RBMS3: variants seen among roughly 807,000 people sequenced by gnomAD.
RBMS3 encodes RNA-binding motif, single-stranded-interacting protein 3.
In RBMS3, 27 loss-of-function variants were observed where a neutral mutation model predicts 66.8. That is an observed-to-expected ratio of 0.40 (90% CI 0.30 to 0.56). RBMS3 has a LOEUF of 0.56. Among genes scored for constraint, RBMS3 ranks in the 20% least tolerant of loss-of-function variants. The probability of loss-of-function intolerance (pLI) is 0.40; values close to 1 mark genes in which losing one functional copy is unlikely to be tolerated. For missense variants in RBMS3, 513 were observed against 549.5 expected, an observed-to-expected ratio of 0.93 and a Z score of 0.66; for synonymous variants, 188 against 183.0, an observed-to-expected ratio of 1.03 and a Z score of -0.22.
chr3:29,814,013 T>C (rs377661273), intron 6 of RBMS3, among the ~76,000 whole-genome samples: 5 of 151,872 alleles, frequency 3.3e-5, no homozygotes, highest in South Asian at 2.1e-4. Flanking sequence ...ACTTCCAACA[T>C]TATGTTGAAT....
At chr3:29,352,789 T>A (rs1023807701) in intron 1 of RBMS3, among the ~76,000 whole-genome samples, 2 of 151,990 alleles carry the variant, frequency 1.3e-5, no homozygotes, top group Non-Finnish European at 2.9e-5. Flanking sequence ...CTACTCTCAC[T>A]CTTTATGAGA....
chr3:29,494,712 A>G (rs2043674128), intron 3 of RBMS3, among the ~76,000 whole-genome samples: 1 of 152,202 alleles, frequency 6.6e-6, no homozygotes, highest in African/African-American at 2.4e-5. Flanking sequence ...AGCTATTGGA[A>G]ACAAGGTGTA....
intron 4 of RBMS3, among the ~76,000 whole-genome samples, chr3:29,657,112 C>A (rs1453645469): frequency 6.6e-6 from 1 of 152,190 alleles, no homozygotes; most frequent in Non-Finnish European, 1.5e-5. Flanking sequence ...TTTCCACACA[C>A]AGGAGGCTGG....
chr3:29,567,607 A>G (rs2046791421), intron 3 of RBMS3, among the ~76,000 whole-genome samples: 1 of 152,142 alleles, frequency 6.6e-6, no homozygotes, highest in Non-Finnish European at 1.5e-5. Context: ...ATGCCCCATT[A>G]TGAGTGAAGG....
At chr3:29,667,321 A>G (rs1245078420) in intron 4 of RBMS3, among the ~76,000 whole-genome samples, 2 of 152,130 alleles carry the variant, frequency 1.3e-5, no homozygotes, top group African/African-American at 4.8e-5. Context: ...GGCATTCTCT[A>G]ATCTAATCTA....
At chr3:29,916,779 G>A (rs1229641927) in intron 10 of RBMS3, among the ~76,000 whole-genome samples, 1 of 151,948 alleles carries the variant, frequency 6.6e-6, no homozygotes, top group African/African-American at 2.4e-5. Flanking sequence ...AGATTCCTTA[G>A]GGGAAGAAAA....
At chr3:29,620,293 C>T (rs1357306103) in intron 4 of RBMS3, among the ~76,000 whole-genome samples, 1 of 152,044 alleles carries the variant, frequency 6.6e-6, no homozygotes, top group East Asian at 1.9e-4. Flanking sequence ...GATGTTACAA[C>T]AAATTTTTTT....
chr3:29,544,978 G>A (rs1236431086), intron 3 of RBMS3, among the ~76,000 whole-genome samples: 1 of 152,032 alleles, frequency 6.6e-6, no homozygotes, highest in African/African-American at 2.4e-5. Flanking sequence ...CTTTGACACA[G>A]CAATCTCACT....
At chr3:29,510,572 T>C (rs548488940) in intron 3 of RBMS3, among the ~76,000 whole-genome samples, 1 of 152,136 alleles carries the variant, frequency 6.6e-6, no homozygotes, top group Admixed American at 6.6e-5. Context: ...TTTCAGATTT[T>C]TTTTTCAAAT....
At chr3:29,697,824 GT>G (rs1327464898) in intron 4 of RBMS3, among the ~76,000 whole-genome samples, 1 of 152,196 alleles carries the variant, frequency 6.6e-6, no homozygotes, top group African/African-American at 2.4e-5. Flanking sequence ...GAATTTTGCA[GT>G]TGTGCATCAT....
chr3:29,880,613 A>G (rs1577060196), intron 7 of RBMS3, among the ~76,000 whole-genome samples: 1 of 152,180 alleles, frequency 6.6e-6, no homozygotes, highest in Admixed American at 6.5e-5. Flanking sequence ...TCTATTACAC[A>G]TGAAGTGGAA....
chr3:29,424,200 G>T (rs902099458), intron 1 of RBMS3, among the ~76,000 whole-genome samples: 1 of 152,166 alleles, frequency 6.6e-6, no homozygotes, highest in African/African-American at 2.4e-5. Flanking sequence ...TATAATTTTA[G>T]GTGATCCTTG....
chr3:29,449,147 C>T (rs552339437), intron 2 of RBMS3, among the ~76,000 whole-genome samples: 2 of 152,290 alleles, frequency 1.3e-5, no homozygotes, highest in East Asian at 3.9e-4. Context: ...AAAGGATTGT[C>T]TTTCCGAACC....
chr3:29,532,337 A>G (rs1335188072), intron 3 of RBMS3, among the ~76,000 whole-genome samples: 1 of 147,480 alleles, frequency 6.8e-6, no homozygotes, highest in East Asian at 2.1e-4. Context: ...GGTACGTCCT[A>G]AGACAAGAGT....
chr3:29,805,195 G>A (rs1223635752), intron 6 of RBMS3, among the ~76,000 whole-genome samples: 1 of 151,930 alleles, frequency 6.6e-6, no homozygotes, highest in Non-Finnish European at 1.5e-5. Context: ...TAACACTGAA[G>A]TCATCCTAAT....
In RBMS3 at chr3:29,868,848, A is replaced by G. The variant is rs370810009; in HGVS notation, c.638-10A>G. On this transcript the variant is annotated splice_polypyrimidine_tract_variant and intron_variant, in intron 6 of 14. Transcript: ENST00000383767. ...GTTGTTAATGTAGAATTGGTTTCTT[A>G]TCTTCCCAGCCCCCAGTGAGCCTTT... The G allele has an allele frequency of 2.9e-5, 46 of 1,583,364 alleles. No homozygotes were observed. The African/African-American group carries it at 6.0e-4, about 21-fold the overall frequency.
At chr3:29,486,811 AG>A (rs989278457) in intron 2 of RBMS3, among the ~76,000 whole-genome samples, 23 of 152,178 alleles carry the variant, frequency 1.5e-4, no homozygotes, top group African/African-American at 4.8e-4. Context: ...ATTTCAGTTT[AG>A]AAGGTTCTTA....
chr3:29,498,219 T>C (rs956477691), intron 3 of RBMS3, among the ~76,000 whole-genome samples: 1 of 151,836 alleles, frequency 6.6e-6, no homozygotes, highest in African/African-American at 2.4e-5. Flanking sequence ...GGTCTCGAAC[T>C]CCTGACCTCA....
chr3:29,376,343 C>T (rs1044415264), intron 1 of RBMS3, among the ~76,000 whole-genome samples: 2 of 152,180 alleles, frequency 1.3e-5, no homozygotes, highest in Non-Finnish European at 2.9e-5. Flanking sequence ...ATATATCCCT[C>T]AACTTAAAAG....
Sources: gnomAD v4.1 joint callset for allele counts (sites outside exome capture counted in the v4.1 genomes callset) on GRCh38, gnomAD v4.1.1 for gene constraint, MANE v1.5 for transcripts, NCBI Gene and HGNC (gene_info 2026-07-23, HGNC 2026-07-21) for gene names.